Variants in TAFA2 observed in about 807,000 individuals in gnomAD.
TAFA2 encodes TAFA chemokine like family member 2.
A neutral mutation model predicts 18.8 loss-of-function variants in TAFA2; 7 were observed. That is an observed-to-expected ratio of 0.37 (90% CI 0.21 to 0.70). TAFA2 has a LOEUF of 0.70. TAFA2 is among the 30% of genes least tolerant of loss of function. The pLI is 0.53. For missense variants in TAFA2, 122 were observed against 158.1 expected (o/e 0.77, Z 1.23); for synonymous variants, 60 against 54.2 (o/e 1.11, Z -0.47).
rs1415224794 is a variant in TAFA2, at chr12:62,192,018, G to C, written c.-761C>G. Reference sequence around the variant, plus strand: ...CTGGGAAGCTCGGGACAGGAAGGAGGAGAGGCTCTGAGCTCAGCCGATGTC... The same window carrying C: ...CTGGGAAGCTCGGGACAGGAAGGAGCAGAGGCTCTGAGCTCAGCCGATGTC... On this transcript the variant is annotated 5_prime_UTR_variant, in exon 1 of 5. Transcript: ENST00000416284. The C allele has an allele frequency of 6.6e-6, 1 of 152,430 alleles. No homozygotes were observed. Among genetic ancestry groups the C allele is most frequent in the East Asian group, 1.9e-4 (1 of 5,166 alleles). The allele number at this position is 152,430 out of a possible 1,614,324, so 9.4% of individuals were successfully genotyped here. A position where few individuals can be genotyped will look rare whatever the true frequency, so the allele number is the denominator to read the frequency against.
intron 1 of TAFA2, among the ~76,000 whole-genome samples, chr12:62,223,569 A>G (rs1383717013): frequency 6.6e-6 from 1 of 152,244 alleles, no homozygotes; most frequent in African/African-American, 2.4e-5. Context: ...ACCCAACACT[A>G]CATACAAAAA....
chr12:61,921,697 T>C (rs768774503), intron 1 of TAFA2, among the ~76,000 whole-genome samples: 9 of 152,160 alleles, frequency 5.9e-5, no homozygotes, highest in Non-Finnish European at 1.2e-4. Flanking sequence ...AAATGAGGAA[T>C]TGAAAATAAT....
intron 1 of TAFA2, among the ~76,000 whole-genome samples, chr12:62,211,441 G>A (rs899446021): frequency 1.2e-4 from 18 of 151,972 alleles, no homozygotes; most frequent in Admixed American, 1.0e-3. Flanking sequence ...TTAGCTGGGC[G>A]TGGTGGTGCC....
At chr12:61,750,674 A>C (rs986652686) in intron 4 of TAFA2, among the ~76,000 whole-genome samples, 1 of 152,144 alleles carries the variant, frequency 6.6e-6, no homozygotes. Flanking sequence ...TGCAAGCCTT[A>C]TTACTATTTC....
intron 2 of TAFA2, among the ~76,000 whole-genome samples, chr12:61,783,427 G>A (rs1319216126): frequency 1.3e-5 from 2 of 151,412 alleles, no homozygotes; most frequent in African/African-American, 4.8e-5. Context: ...TTTACCACTC[G>A]TGTACTTGGG....
chr12:61,854,256 A>T, intron 2 of TAFA2, among the ~76,000 whole-genome samples: 1 of 152,158 alleles, frequency 6.6e-6, no homozygotes. Flanking sequence ...TAAAAGTACA[A>T]TAAGAAGATA....
At chr12:61,920,946 T>C (rs1035670149) in intron 1 of TAFA2, among the ~76,000 whole-genome samples, 1 of 151,856 alleles carries the variant, frequency 6.6e-6, no homozygotes, top group African/African-American at 2.4e-5. Flanking sequence ...CAAGCGAATA[T>C]TTGGGAAAAA....
chr12:62,095,153 T>C (rs115292531), intron 1 of TAFA2, among the ~76,000 whole-genome samples: 100 of 152,146 alleles, frequency 6.6e-4, no homozygotes, highest in African/African-American at 2.3e-3. Context: ...TAGAAAACTG[T>C]CCTACCACAT....
chr12:62,098,980 A>G (rs548036840), intron 1 of TAFA2, among the ~76,000 whole-genome samples: 196 of 152,298 alleles, frequency 1.3e-3, no homozygotes, highest in Non-Finnish European at 1.7e-3. Context: ...CTAATAAACC[A>G]TAAGACCACT....
chr12:62,052,320 A>G (rs966824858), intron 1 of TAFA2, among the ~76,000 whole-genome samples: 6 of 152,056 alleles, frequency 3.9e-5, no homozygotes, highest in Non-Finnish European at 7.4e-5. Context: ...TAGCCTCTCA[A>G]GTAGCTGGAC....
At chr12:61,907,279 C>A (rs183188456) in intron 1 of TAFA2, among the ~76,000 whole-genome samples, 1 of 152,288 alleles carries the variant, frequency 6.6e-6, no homozygotes, top group Non-Finnish European at 1.5e-5. Flanking sequence ...GTGGGCTGGG[C>A]CCAGTGCCCT....
intron 1 of TAFA2, among the ~76,000 whole-genome samples, chr12:61,996,215 A>C (rs1028093150): frequency 6.6e-6 from 1 of 152,188 alleles, no homozygotes; most frequent in Non-Finnish European, 1.5e-5. Context: ...AAAAAGAAAA[A>C]TGCCTCCACA....
At chr12:61,890,191 G>A (rs1875567536) in intron 1 of TAFA2, among the ~76,000 whole-genome samples, 1 of 152,238 alleles carries the variant, frequency 6.6e-6, no homozygotes, top group Non-Finnish European at 1.5e-5. Context: ...GATTTAAAGA[G>A]ATATCTTCCA....
chr12:61,842,996 C>T (rs1431445590), intron 2 of TAFA2, among the ~76,000 whole-genome samples: 2 of 151,904 alleles, frequency 1.3e-5, no homozygotes, highest in Non-Finnish European at 2.9e-5. Context: ...CTGGCCCACA[C>T]AAGGAAGAAG....
intron 2 of TAFA2, among the ~76,000 whole-genome samples, chr12:61,834,589 A>G (rs1042530897): frequency 6.6e-6 from 1 of 151,970 alleles, no homozygotes; most frequent in African/African-American, 2.4e-5. Context: ...ACTTTGTACA[A>G]TGTTTTGCTA....
At chr12:61,784,522 A>C (rs191079122) in intron 2 of TAFA2, among the ~76,000 whole-genome samples, 2 of 151,636 alleles carry the variant, frequency 1.3e-5, no homozygotes, top group Admixed American at 1.3e-4. Context: ...CAGTTTGAGA[A>C]AGAAAGTTTG....
At chr12:61,743,957 C>T (rs993803071) in intron 4 of TAFA2, among the ~76,000 whole-genome samples, 10 of 152,038 alleles carry the variant, frequency 6.6e-5, no homozygotes, top group Admixed American at 3.3e-4. Flanking sequence ...TTGAACATAC[C>T]TTTCTATTCC....
chr12:62,100,995 TTG>T (rs1404008390), intron 1 of TAFA2, among the ~76,000 whole-genome samples: 2 of 152,182 alleles, frequency 1.3e-5, no homozygotes, highest in African/African-American at 4.8e-5. Flanking sequence ...CAGAATAATG[TTG>T]AGTTTTGATA....
upstream of TAFA2, among the ~76,000 whole-genome samples, chr12:62,193,650 C>T (rs577740854): frequency 5.3e-5 from 8 of 152,156 alleles, no homozygotes; most frequent in African/African-American, 1.4e-4. Context: ...ATAGCTCCAC[C>T]GATTTTATAA....
Sources: allele counts gnomAD v4.1 joint callset (sites outside exome capture counted in the v4.1 genomes callset), GRCh38; gene constraint gnomAD v4.1.1; transcripts MANE v1.5; gene names NCBI Gene and HGNC (gene_info 2026-07-23, HGNC 2026-07-21).